The following KIF13B variants were observed in gnomAD, a reference collection of about 807,000 sequenced individuals.
KIF13B encodes the protein kinesin-like protein KIF13B.
In KIF13B, 127 loss-of-function variants were observed where a neutral mutation model predicts 222.0. That is an observed-to-expected ratio of 0.57 (90% CI 0.50 to 0.66). The LOEUF (loss-of-function observed/expected upper bound fraction) is 0.66, where lower values mean the gene tolerates loss of function less well. KIF13B is among the 30% of genes least tolerant of loss of function. The pLI, the probability that KIF13B is intolerant of heterozygous loss-of-function variation, is 0.00. For synonymous variants in KIF13B, 976 were observed against 919.0 expected (o/e 1.06, Z -1.12); for missense variants, 2,173 against 2,379.0 (o/e 0.91, Z 1.80).
intron 3 of KIF13B, among the ~76,000 whole-genome samples, chr8:29,192,246 C>T (rs1813223018): frequency 6.6e-6 from 1 of 152,202 alleles, no homozygotes; most frequent in Non-Finnish European, 1.5e-5. Context: ...TCAGTTTTCA[C>T]ATGGTGAGCC....
intron 9 of KIF13B, 112 bp from the exon 10 acceptor site, chr8:29,176,291 C>A: frequency 1.5e-6 from 1 of 653,778 alleles, no homozygotes; most frequent in Non-Finnish European, 2.7e-6. Context: ...TGAGCAGCAC[C>A]CTGTCAGCAT....
intron 32 of KIF13B, among the ~76,000 whole-genome samples, chr8:29,111,725 A>G (rs1421153666): frequency 6.6e-6 from 1 of 152,262 alleles, no homozygotes; most frequent in Non-Finnish European, 1.5e-5. Flanking sequence ...GAAAAGGAAG[A>G]AATGAAAGCA....
At chr8:29,240,840 A>ACT (rs1815744339) in intron 2 of KIF13B, among the ~76,000 whole-genome samples, 1 of 152,146 alleles carries the variant, frequency 6.6e-6, no homozygotes, top group African/African-American at 2.4e-5. Context: ...AAAAACTGGA[A>ACT]CTCTCACGCA....
chr8:29,080,221 C>T (rs890013204), intron 37 of KIF13B, among the ~76,000 whole-genome samples: 1 of 147,574 alleles, frequency 6.8e-6, no homozygotes, highest in Non-Finnish European at 1.5e-5. Context: ...ACCTATAGTC[C>T]GAACTACTTG....
chr8:29,134,930 G>A (rs1451990975), intron 21 of KIF13B, among the ~76,000 whole-genome samples: 1 of 152,164 alleles, frequency 6.6e-6, no homozygotes, highest in Non-Finnish European at 1.5e-5. Context: ...GGGTGCGGTT[G>A]TAACAAAGTG....
intron 2 of KIF13B, among the ~76,000 whole-genome samples, chr8:29,206,068 A>T (rs1210928987): frequency 6.6e-6 from 1 of 152,104 alleles, no homozygotes; most frequent in Non-Finnish European, 1.5e-5. Flanking sequence ...TCTAGTCGGG[A>T]TAACAGAGCA....
intron 35 of KIF13B, among the ~76,000 whole-genome samples, chr8:29,107,266 G>A (rs1482803105): frequency 2.0e-5 from 3 of 152,034 alleles, no homozygotes; most frequent in African/African-American, 4.8e-5. Flanking sequence ...AGTGGCTCAC[G>A]CCTGTAATCC....
intron 1 of KIF13B, among the ~76,000 whole-genome samples, chr8:29,262,047 A>G (rs1169140073): frequency 6.6e-6 from 1 of 152,220 alleles, no homozygotes; most frequent in Non-Finnish European, 1.5e-5. Flanking sequence ...ATCTCCTGAG[A>G]CAGTAATAGT....
At chr8:29,075,006 T>C (rs1807484924) in intron 38 of KIF13B, among the ~76,000 whole-genome samples, 1 of 152,228 alleles carries the variant, frequency 6.6e-6, no homozygotes, top group African/African-American at 2.4e-5. Flanking sequence ...GTTCTGTTTA[T>C]AGAAATCTCC....
chr8:29,101,312 G>C (rs1260063855), intron 35 of KIF13B, among the ~76,000 whole-genome samples: 1 of 152,170 alleles, frequency 6.6e-6, no homozygotes, highest in Admixed American at 6.5e-5. Flanking sequence ...ACACATGGCT[G>C]TTCTGAAGAC....
At chr8:29,224,768 G>A (rs75609241) in intron 2 of KIF13B, among the ~76,000 whole-genome samples, 3,222 of 152,106 alleles carry the variant, frequency 0.021, 74 homozygotes, top group South Asian at 0.061. Flanking sequence ...GTGTGTACGC[G>A]TAATTAGGAT....
chr8:29,197,438 C>T (rs545652838), intron 2 of KIF13B, among the ~76,000 whole-genome samples: 2 of 151,884 alleles, frequency 1.3e-5, no homozygotes, highest in African/African-American at 2.4e-5. Flanking sequence ...AAAGAATGCC[C>T]ATAGACCTTT....
chr8:29,246,241 GT>G (rs1816016454), intron 1 of KIF13B, among the ~76,000 whole-genome samples: 1 of 152,052 alleles, frequency 6.6e-6, no homozygotes, highest in Non-Finnish European at 1.5e-5. Flanking sequence ...GCCAGACATG[GT>G]GGTGGGCACC....
chr8:29,202,828 GCGTCATCTCCCCCAACTCAGCTA>G (rs1168506532), intron 2 of KIF13B, among the ~76,000 whole-genome samples: 1 of 151,988 alleles, frequency 6.6e-6, no homozygotes, highest in Non-Finnish European at 1.5e-5. Context: ...GGAGGCTCAG[GCGTCATCTCCCCCAACTCAGCTA>G]CGTCACTCCC....
At chr8:29,113,332 C>A in intron 32 of KIF13B, 131 bp downstream of exon 32, 1 of 537,474 alleles carries the variant, frequency 1.9e-6, no homozygotes, top group East Asian at 3.1e-5. Flanking sequence ...TTAGAAAATT[C>A]CTCTAAAAAT....
At chr8:29,222,566 G>T (rs1278057441) in intron 2 of KIF13B, among the ~76,000 whole-genome samples, 2 of 104,340 alleles carry the variant, frequency 1.9e-5, no homozygotes, top group African/African-American at 3.8e-5. Context: ...GTAGAGACAG[G>T]GTGTCACTAT....
chr8:29,085,316 A>G (rs1807992018), intron 37 of KIF13B, among the ~76,000 whole-genome samples: 1 of 152,218 alleles, frequency 6.6e-6, no homozygotes, highest in Non-Finnish European at 1.5e-5. Flanking sequence ...GAAAATGTGA[A>G]GGACACTCTA....
At chr8:29,190,877 T>C in intron 4 of KIF13B, 120 bp downstream of exon 4, 1 of 807,246 alleles carries the variant, frequency 1.2e-6, no homozygotes, top group Non-Finnish European at 2.2e-6. Context: ...ACTGTTATTG[T>C]GGTGTGACAG....
rs139480500 is a variant in KIF13B, at chr8:29,211,859, T to C, written c.150-15660A>G. ...TGTCATACACTTAGCATTATTTACA[T>C]ATACATTTTTTTCTTAGTATATTTC... On this transcript the variant is annotated intron_variant, in intron 2 of 39. Transcript: ENST00000524189. Among the ~76,000 whole-genome samples the C allele has an allele frequency of 2.3e-3, 352 of 152,358 alleles. 5 individuals carry two copies. The highest frequency in any genetic ancestry group is 5.1e-4 in the Non-Finnish European group (35 of 68,038).
Sources: allele counts gnomAD v4.1 joint callset (sites outside exome capture counted in the v4.1 genomes callset), GRCh38; gene constraint gnomAD v4.1.1; transcripts MANE v1.5; gene names NCBI Gene and HGNC (gene_info 2026-07-23, HGNC 2026-07-21).